FARS2: variants seen among roughly 807,000 people sequenced by gnomAD.
FARS2 encodes the protein phenylalanine--tRNA ligase, mitochondrial.
A neutral mutation model predicts 46.4 loss-of-function variants in FARS2; 40 were observed. The ratio of observed to expected loss-of-function variants is 0.86; its 90% CI spans 0.67 to 1.12. The LOEUF (loss-of-function observed/expected upper bound fraction) is 1.12, where lower values mean the gene tolerates loss of function less well. Ranked by LOEUF, FARS2 falls within the 50% of genes most tolerant of loss-of-function variation. The pLI is 0.00. For synonymous variants in FARS2, 234 were observed against 214.9 expected, an observed-to-expected ratio of 1.09 and a Z score of -0.78; for missense variants, 513 against 567.9, an observed-to-expected ratio of 0.90 and a Z score of 0.98.
upstream of FARS2, among the ~76,000 whole-genome samples, chr6:5,259,804 A>G (rs1304808889): frequency 6.6e-6 from 1 of 152,096 alleles, no homozygotes; most frequent in Non-Finnish European, 1.5e-5. Flanking sequence ...TAGTAAAAAC[A>G]AAACAAAACA....
chr6:5,433,578 A>G (rs753216867), intron 4 of FARS2, among the ~76,000 whole-genome samples: 1 of 152,238 alleles, frequency 6.6e-6, no homozygotes, highest in Non-Finnish European at 1.5e-5. Context: ...CAGGAAGAAA[A>G]GGAAAATCAG....
At position 5,771,363 on chromosome 6, in the gene FARS2, C is replaced by A; in HGVS notation, c.1290C>A (p.Val430=). The change falls in exon 7 of 7, where the codon GTC becomes GTA. Residue 430 remains valine, a synonymous_variant. Transcript: ENST00000274680. ...AACGGACTCTGTCCCAGAGAGAGGT[C>A]AGGCACATCCACCAGGCCTTGCAGG... is the stretch of plus-strand genomic sequence containing the variant. ...HMERTLSQRE[V]RHIHQALQEA... is the part of the protein sequence containing the mutation. The A allele has an allele frequency of 6.2e-7, 1 of 1,614,252 alleles. No individual in the cohort carries two copies. Among genetic ancestry groups the A allele is most frequent in the South Asian group, 1.1e-5 (1 of 91,088 alleles).
intron 4 of FARS2, among the ~76,000 whole-genome samples, chr6:5,446,678 G>C (rs1764204419): frequency 2.0e-5 from 3 of 152,212 alleles, no homozygotes; most frequent in Admixed American, 2.0e-4. Flanking sequence ...TGAAGTCTGA[G>C]TAGTTTAGAC....
intron 6 of FARS2, among the ~76,000 whole-genome samples, chr6:5,699,757 C>T (rs755391181): frequency 3.3e-5 from 5 of 152,164 alleles, no homozygotes; most frequent in African/African-American, 4.8e-5. Context: ...TTGAAAAGCA[C>T]TTATGCCTAG....
At chr6:5,452,095 G>T (rs1014966) in intron 4 of FARS2, 11,293 of 152,244 alleles carry the variant, frequency 0.074, 606 homozygotes, top group African/African-American at 0.15. Context: ...CGGTAAGTCC[G>T]GTTTCAGCAG....
chr6:5,427,524 A>C (rs1277382106), intron 3 of FARS2, among the ~76,000 whole-genome samples: 1 of 152,040 alleles, frequency 6.6e-6, no homozygotes, highest in Non-Finnish European at 1.5e-5. Flanking sequence ...GAAACTGAGC[A>C]GAGGATCTCA....
intron 3 of FARS2, among the ~76,000 whole-genome samples, chr6:5,412,071 G>T (rs1383913440): frequency 6.6e-6 from 1 of 152,192 alleles, no homozygotes; most frequent in Non-Finnish European, 1.5e-5. Context: ...AGGAGAGATG[G>T]ATTGGGACCC....
chr6:5,443,243 GCA>G (rs1205302659), intron 4 of FARS2, among the ~76,000 whole-genome samples: 1 of 152,206 alleles, frequency 6.6e-6, no homozygotes, highest in African/African-American at 2.4e-5. Context: ...GAAGCTGTTG[GCA>G]CAGTTTGTGA....
chr6:5,423,021 A>G (rs1762643382), intron 3 of FARS2, among the ~76,000 whole-genome samples: 1 of 152,138 alleles, frequency 6.6e-6, no homozygotes, highest in Non-Finnish European at 1.5e-5. Flanking sequence ...CTCAGCTGCA[A>G]GTGATAAAGC....
chr6:5,711,876 C>T (rs1582813946), intron 6 of FARS2, among the ~76,000 whole-genome samples: 1 of 152,120 alleles, frequency 6.6e-6, no homozygotes, highest in Admixed American at 6.5e-5. Context: ...AATGTAGTGA[C>T]GTTGGTTCAC....
At chr6:5,461,214 A>G (rs751770911) in intron 4 of FARS2, among the ~76,000 whole-genome samples, 20 of 151,950 alleles carry the variant, frequency 1.3e-4, no homozygotes, top group Non-Finnish European at 2.8e-4. Context: ...AATTTTTTGT[A>G]TTTTTAATAG....
At chr6:5,518,685 G>T (rs1164869222) in intron 4 of FARS2, among the ~76,000 whole-genome samples, 2 of 152,122 alleles carry the variant, frequency 1.3e-5, no homozygotes, top group Non-Finnish European at 2.9e-5. Context: ...AATTAATGTT[G>T]AAAGTATAGT....
At chr6:5,715,966 C>T (rs1221250339) in intron 6 of FARS2, among the ~76,000 whole-genome samples, 1 of 152,138 alleles carries the variant, frequency 6.6e-6, no homozygotes, top group Non-Finnish European at 1.5e-5. Context: ...ACATCCTCAC[C>T]AACACTTGTT....
At chr6:5,550,604 G>T (rs1254239344) in intron 5 of FARS2, among the ~76,000 whole-genome samples, 1 of 152,218 alleles carries the variant, frequency 6.6e-6, no homozygotes, top group Admixed American at 6.5e-5. Context: ...ATATGCAGGT[G>T]AGTTGTTTTA....
At chr6:5,522,511 T>C (rs1318265624) in intron 4 of FARS2, among the ~76,000 whole-genome samples, 2 of 152,276 alleles carry the variant, frequency 1.3e-5, no homozygotes, top group Admixed American at 1.3e-4. Flanking sequence ...CCAATTTGGT[T>C]TGCCCCATTA....
intron 6 of FARS2, among the ~76,000 whole-genome samples, chr6:5,732,650 G>A (rs553850422): frequency 1.1e-4 from 17 of 152,274 alleles, no homozygotes; most frequent in East Asian, 3.9e-4. Flanking sequence ...GGCGGAGCCC[G>A]GGAGCAAGAG....
intron 4 of FARS2, among the ~76,000 whole-genome samples, chr6:5,508,557 C>T (rs1159490375): frequency 6.6e-6 from 1 of 152,084 alleles, no homozygotes; most frequent in Non-Finnish European, 1.5e-5. Context: ...GGGGGAGGGG[C>T]TGAAGCCCTC....
intron 6 of FARS2, among the ~76,000 whole-genome samples, chr6:5,635,972 TA>T (rs1330163091): frequency 1.3e-5 from 2 of 152,088 alleles, no homozygotes; most frequent in Non-Finnish European, 2.9e-5. Context: ...AATGTTATGG[TA>T]AAAAAAATTT....
At chr6:5,413,920 G>A (rs1762077338) in intron 3 of FARS2, among the ~76,000 whole-genome samples, 1 of 152,108 alleles carries the variant, frequency 6.6e-6, no homozygotes, top group South Asian at 2.1e-4. Context: ...CTAGGTGACT[G>A]GCTGTGGATT....
Sources: allele counts gnomAD v4.1 joint callset (sites outside exome capture counted in the v4.1 genomes callset), GRCh38; gene constraint gnomAD v4.1.1; transcripts MANE v1.5; gene names NCBI Gene and HGNC (gene_info 2026-07-23, HGNC 2026-07-21).